The following PTPN13 variants were observed in gnomAD, a reference collection of about 807,000 sequenced individuals.
PTPN13 encodes the protein tyrosine-protein phosphatase non-receptor type 13.
In PTPN13, 191 loss-of-function variants were observed where a neutral mutation model predicts 284.0. The observed-to-expected ratio is 0.67, with a 90% confidence interval of 0.60 to 0.76. PTPN13 has a LOEUF of 0.76. Ranked by LOEUF, PTPN13 falls within the 30% of genes least tolerant of loss-of-function variation. PTPN13 has a pLI of 0.00. For synonymous variants in PTPN13, 986 were observed against 1,022.3 expected (o/e 0.96, Z 0.68); for missense variants, 2,797 against 2,939.9 (o/e 0.95, Z 1.12).
intron 9 of PTPN13, among the ~76,000 whole-genome samples, chr4:86,721,520 G>A (rs1733645236): frequency 6.6e-6 from 1 of 152,098 alleles, no homozygotes; most frequent in Non-Finnish European, 1.5e-5. Context: ...TAAGGGGATA[G>A]GGAGAACGGG....
chr4:86,772,535 C>T (rs984859506), intron 31 of PTPN13, among the ~76,000 whole-genome samples: 5 of 152,030 alleles, frequency 3.3e-5, no homozygotes, highest in African/African-American at 1.2e-4. Context: ...GCCTGGGCAA[C>T]AGAGTGAGAC....
At chr4:86,677,552 A>G (rs907681431) in intron 3 of PTPN13, among the ~76,000 whole-genome samples, 1 of 151,088 alleles carries the variant, frequency 6.6e-6, no homozygotes, top group Non-Finnish European at 1.5e-5. Flanking sequence ...TGACCTCGTG[A>G]TCCATCTGCC....
At chr4:86,641,069 A>G (rs1286928278) in intron 2 of PTPN13, among the ~76,000 whole-genome samples, 1 of 152,180 alleles carries the variant, frequency 6.6e-6, no homozygotes, top group Non-Finnish European at 1.5e-5. Context: ...ATGATTTTTC[A>G]TTCTTTGTAT....
At chr4:86,782,358 T>C in intron 37 of PTPN13, 96 bp downstream of exon 37, 1 of 1,166,156 alleles carries the variant, frequency 8.6e-7, no homozygotes, top group Non-Finnish European at 1.3e-6. Context: ...TTTAAATATT[T>C]GTCTTCTTTA....
intron 13 of PTPN13, 48 bp from the exon 14 acceptor site, chr4:86,734,689 G>A (rs1243327065): frequency 6.4e-7 from 1 of 1,570,660 alleles, no homozygotes; most frequent in African/African-American, 1.4e-5. Flanking sequence ...AACCACCCCA[G>A]TATTCAAAAT....
At chr4:86,761,289 C>A (rs1357907640) in intron 23 of PTPN13, among the ~76,000 whole-genome samples, 2 of 151,548 alleles carry the variant, frequency 1.3e-5, no homozygotes, top group South Asian at 2.1e-4. Context: ...CTTTTTAATG[C>A]AACATTATAT....
At chr4:86,697,866 G>C (rs2148993371) in intron 6 of PTPN13, among the ~76,000 whole-genome samples, 1 of 149,504 alleles carries the variant, frequency 6.7e-6, no homozygotes, top group South Asian at 2.1e-4. Context: ...AACAAAAATA[G>C]TTAAAACACA....
intron 2 of PTPN13, among the ~76,000 whole-genome samples, chr4:86,660,844 A>G (rs1238840029): frequency 6.6e-6 from 1 of 152,148 alleles, no homozygotes; most frequent in Non-Finnish European, 1.5e-5. Context: ...TTGACTTCAG[A>G]TGTTCTAAAC....
Position 86,634,025 on chromosome 4 carries a change from C to T in PTPN13, c.-5-1227C>T, listed in dbSNP as rs1418935749. Among the ~76,000 whole-genome samples the T allele has an allele frequency of 2.6e-5, 4 of 152,064 alleles. No individual in the cohort carries two copies. The East Asian group carries it at 7.7e-4, about 29-fold the overall frequency. On this transcript the variant is annotated intron_variant, in intron 1 of 47. Transcript: ENST00000411767. ...TTTAAGCATAAAATGTTTTAGTAAA[C>T]ATTTAAAAAGGAAAGTGAAAGGACA...
At chr4:86,660,171 C>T (rs1265270598) in intron 2 of PTPN13, among the ~76,000 whole-genome samples, 1 of 152,196 alleles carries the variant, frequency 6.6e-6, no homozygotes, top group East Asian at 1.9e-4. Flanking sequence ...AGACTGATGT[C>T]GGTGATAGGA....
chr4:86,617,035 T>A (rs141559744), intron 1 of PTPN13, among the ~76,000 whole-genome samples: 16 of 152,084 alleles, frequency 1.1e-4, no homozygotes, highest in African/African-American at 4.8e-5. Context: ...AAATTTTTAT[T>A]CTAAGTGTGA....
At chr4:86,793,482 T>C (rs28877076) in intron 40 of PTPN13, among the ~76,000 whole-genome samples, 15,145 of 152,140 alleles carry the variant, frequency 0.1, 875 homozygotes, top group Non-Finnish European at 0.11. Context: ...AGGACTTGAA[T>C]TCACCTCTGT....
chr4:86,605,308 A>G (rs1764652212), intron 1 of PTPN13, among the ~76,000 whole-genome samples: 1 of 151,954 alleles, frequency 6.6e-6, no homozygotes, highest in South Asian at 2.1e-4. Context: ...AGGGATAGAA[A>G]GGAAATTGAA....
intron 16 of PTPN13, among the ~76,000 whole-genome samples, chr4:86,742,720 C>A (rs1477589016): frequency 3.9e-5 from 6 of 152,114 alleles, no homozygotes; most frequent in Admixed American, 3.9e-4. Flanking sequence ...ATTGTCAGGA[C>A]CAAGAAATTA....
chr4:86,673,469 GCTAGGCTAGA>G (rs1233709103), intron 3 of PTPN13, among the ~76,000 whole-genome samples: 1 of 152,192 alleles, frequency 6.6e-6, no homozygotes. Flanking sequence ...GGTTAGACTG[GCTAGGCTAGA>G]ATATTACTAC....
intron 1 of PTPN13, among the ~76,000 whole-genome samples, chr4:86,621,429 T>C (rs1344721374): frequency 1.3e-5 from 2 of 152,184 alleles, no homozygotes; most frequent in African/African-American, 4.8e-5. Context: ...TAGTGAAATA[T>C]GTGTCCACAA....
At chr4:86,803,991 C>A in intron 43 of PTPN13, 134 bp downstream of exon 43, 1 of 899,724 alleles carries the variant, frequency 1.1e-6, no homozygotes, top group Non-Finnish European at 1.7e-6. Flanking sequence ...CTTATCATAT[C>A]TAGCAGAAAA....
At chr4:86,731,574 G>A (rs1184945591) in intron 10 of PTPN13, among the ~76,000 whole-genome samples, 2 of 152,152 alleles carry the variant, frequency 1.3e-5, no homozygotes, top group Admixed American at 6.6e-5. Context: ...GTGATTACAG[G>A]TGGATATATA....
chr4:86,657,020 A>T (rs1356639345), intron 2 of PTPN13, among the ~76,000 whole-genome samples: 2 of 152,122 alleles, frequency 1.3e-5, no homozygotes, highest in African/African-American at 4.8e-5. Context: ...GGGAGCCTCC[A>T]AGCCAGGAGC....
Sources: gnomAD v4.1 joint callset for allele counts (sites outside exome capture counted in the v4.1 genomes callset) on GRCh38, gnomAD v4.1.1 for gene constraint, MANE v1.5 for transcripts, NCBI Gene and HGNC (gene_info 2026-07-23, HGNC 2026-07-21) for gene names.